WNK2: variants seen among roughly 807,000 people sequenced by gnomAD.
WNK2 encodes serine/threonine-protein kinase WNK2.
In WNK2, 67 loss-of-function variants were observed where a neutral mutation model predicts 192.1. That is an observed-to-expected ratio of 0.35 (90% CI 0.29 to 0.43). The LOEUF is 0.43. WNK2 is among the 20% of genes least tolerant of loss of function. The pLI, the probability that WNK2 is intolerant of heterozygous loss-of-function variation, is 1.00. For synonymous variants in WNK2, 1,439 were observed against 1,393.9 expected, an observed-to-expected ratio of 1.03 and a Z score of -0.72; for missense variants, 2,698 against 3,089.7, an observed-to-expected ratio of 0.87 and a Z score of 3.01.
chr9:93,286,176 T>C (rs1034497645), intron 19 of WNK2, among the ~76,000 whole-genome samples: 2 of 151,416 alleles, frequency 1.3e-5, no homozygotes, highest in African/African-American at 2.5e-5. Flanking sequence ...AATTTGACTG[T>C]ATTAAAATAA....
At chr9:93,231,873 C>T (rs11793893) in intron 4 of WNK2, among the ~76,000 whole-genome samples, 24,101 of 152,228 alleles carry the variant, frequency 0.16, 2,006 homozygotes, top group South Asian at 0.29. Context: ...CAGGTGTGCT[C>T]CTGGCACAGT....
rs537560749 is a variant in WNK2 at position 93,259,212 on chromosome 9, C to T, written c.2664C>T (p.Ala888=). 2.7e-5 allele frequency: 43 copies of T among 1,613,160 alleles called. No individual in the cohort carries two copies. Among genetic ancestry groups the T allele is most frequent in the South Asian group, 1.5e-4 (14 of 91,072 alleles). The stretch of plus-strand genomic sequence containing the variant: ...CACCGGCCACTATCCCCCTGCTGGC[C>T]GTAGCCCCACCGGGCGTGGCTGCCC... The part of the protein sequence containing the change: ...PNAPATIPLL[A]VAPPGVAALS... The change falls in exon 12 of 30, where the codon GCC becomes GCT. Residue 888 remains alanine, a synonymous_variant. Coordinates refer to ENST00000427277, the MANE Select transcript of WNK2 (RefSeq NM_006648.4). This position sits in a 1 kb window ranked among gnomAD's most constrained non-coding sequence, Gnocchi z 4.8.
In WNK2 at chr9:93,262,666, T is replaced by A; in HGVS notation, c.3361-4T>A. 6.2e-7 allele frequency: 1 copy of A among 1,612,724 alleles called. No individual in the cohort carries two copies. Among genetic ancestry groups the A allele is most frequent in the South Asian group, 1.1e-5 (1 of 91,082 alleles). On this transcript the variant is annotated splice_region_variant and splice_polypyrimidine_tract_variant and intron_variant, in intron 13 of 29. Transcript: ENST00000427277. Reference sequence around the variant, plus strand: ...GTTCTCTTTTCTCCGGGTGTTTATTTCAGGAGCAGGCCTCACAGGACAAGC... The same window carrying A: ...GTTCTCTTTTCTCCGGGTGTTTATTACAGGAGCAGGCCTCACAGGACAAGC...
At chr9:93,283,731 C>A (rs1283761593) in intron 19 of WNK2, among the ~76,000 whole-genome samples, 1 of 152,070 alleles carries the variant, frequency 6.6e-6, no homozygotes, top group Admixed American at 6.5e-5. Context: ...TACATCTGGC[C>A]CTGACTCCCA....
At chr9:93,281,101 A>C (rs1203260113) in intron 19 of WNK2, among the ~76,000 whole-genome samples, 1 of 152,204 alleles carries the variant, frequency 6.6e-6, no homozygotes, top group East Asian at 1.9e-4. Context: ...GAACAGACAC[A>C]AGGTTCACAA....
rs989969194 is a variant in WNK2 at position 93,259,723 on chromosome 9, C to T, written c.3066+109C>T. The T allele has an allele frequency of 1.5e-4, 161 of 1,106,928 alleles. No individual in the cohort carries two copies. The highest frequency in any genetic ancestry group is 3.6e-4 in the South Asian group (22 of 60,658). The allele number at this position is 1,106,928 out of a possible 1,614,324, so 68.6% of individuals were successfully genotyped here. A position where few individuals can be genotyped will look rare whatever the true frequency, so the allele number is the denominator to read the frequency against. ...GCAAGGAGGCAGCCCTGCCTGGGGT[C>T]GCCCCTCTCAGGAAGAGATGTGTGT... On this transcript the variant is annotated intron_variant, in intron 12 of 29. Coordinates refer to ENST00000427277, the MANE Select transcript of WNK2 (RefSeq NM_006648.4). This position sits in a 1 kb window ranked among gnomAD's most constrained non-coding sequence, Gnocchi z 4.8.
chr9:93,290,864 C>T (rs537211229), intron 21 of WNK2, among the ~76,000 whole-genome samples: 1 of 152,338 alleles, frequency 6.6e-6, no homozygotes, highest in South Asian at 2.1e-4. Context: ...CTGCATGCCT[C>T]AGTGTCCCTT....
chr9:93,273,401 G>A (rs1208052590), intron 19 of WNK2, among the ~76,000 whole-genome samples: 4 of 152,172 alleles, frequency 2.6e-5, no homozygotes, highest in Admixed American at 2.0e-4. Flanking sequence ...TGATCCACCC[G>A]CCTCGGCCTC....
At chr9:93,218,852 C>T (rs369505377) in intron 2 of WNK2, among the ~76,000 whole-genome samples, 70 of 152,332 alleles carry the variant, frequency 4.6e-4, no homozygotes, top group African/African-American at 1.6e-3. Context: ...CCCAGGGACC[C>T]CTTGCCTGGC....
intron 2 of WNK2, among the ~76,000 whole-genome samples, chr9:93,220,755 G>A (rs909870102): frequency 2.6e-5 from 4 of 152,170 alleles, no homozygotes; most frequent in South Asian, 2.1e-4. Flanking sequence ...TGTGGGTGTG[G>A]TGGGCCCGGG....
chr9:93,267,685 G>T, intron 16 of WNK2, 61 bp from the exon 17 acceptor site: 2 of 1,479,038 alleles, frequency 1.4e-6, no homozygotes, highest in Admixed American at 2.2e-5. Context: ...CAATCCAGAT[G>T]AAGACCTAGG....
Position 93,290,065 on chromosome 9 carries a change from A to T in WNK2, c.4936+18A>T. 1 of 1,555,534 alleles carries T rather than the reference A, an allele frequency of 6.4e-7. No homozygotes were observed. Among genetic ancestry groups the T allele is most frequent in the Non-Finnish European group, 8.7e-7 (1 of 1,149,284 alleles). ...AATGACAGGTAACAGCTTCCTGCTG[A>T]ACCCTGCGTTCACAAGGTGCTGCCT... On this transcript the variant is annotated intron_variant, in intron 21 of 29. Coordinates refer to ENST00000427277, the MANE Select transcript of WNK2 (RefSeq NM_006648.4).
chr9:93,293,112 G>A lies in WNK2; in HGVS notation c.5647G>A (p.Asp1883Asn), dbSNP rs1849637660. Residue 1883 changes from aspartate (D) to asparagine (N), a missense_variant, in exon 23 of 30, where the codon GAC (aspartate) becomes AAC (asparagine). Asp to Asn is a conservative substitution (Grantham distance 23, BLOSUM62 1). Coordinates refer to ENST00000427277, the MANE Select transcript of WNK2 (RefSeq NM_006648.4). ...TTCCCAGTCGTCCTACATCAGCAGC[G>A]ACAATGATTCGGAGCTCGAGGATGC... Reference protein sequence around the residue: ...FHSQSSYISSDNDSELEDADI... With the variant: ...FHSQSSYISSNNDSELEDADI... 5 of 1,592,680 alleles carry A rather than the reference G, an allele frequency of 3.1e-6. No homozygotes were observed. Among genetic ancestry groups the A allele is most frequent in the Non-Finnish European group, 4.3e-6 (5 of 1,171,164 alleles).
intron 19 of WNK2, among the ~76,000 whole-genome samples, chr9:93,285,950 G>C (rs1342023822): frequency 6.6e-6 from 1 of 152,152 alleles, no homozygotes; most frequent in Non-Finnish European, 1.5e-5. Flanking sequence ...CTTCTCAACA[G>C]AAAGAGTTGG....
At chr9:93,277,096 A>T (rs1588386346) in intron 19 of WNK2, among the ~76,000 whole-genome samples, 1 of 152,164 alleles carries the variant, frequency 6.6e-6, no homozygotes, top group Non-Finnish European at 1.5e-5. Context: ...CAAACAGGAT[A>T]TAAGGATGGT....
At position 93,278,157 on chromosome 9, in the gene WNK2, G is replaced by A. The variant is rs1847218262; in HGVS notation, c.4033+9411G>A. Among the ~76,000 whole-genome samples, 3 of 152,178 alleles carry A rather than the reference G, an allele frequency of 2.0e-5. No homozygotes were observed. The South Asian group carries it at 6.2e-4, about 32-fold the overall frequency. Reference sequence around the variant, plus strand: ...GCCTTGAAAAAGTTTCTATTCCAGAGCAGGGAAGGAAGAGCCCAGGCAGAG... The same window carrying A: ...GCCTTGAAAAAGTTTCTATTCCAGAACAGGGAAGGAAGAGCCCAGGCAGAG... On this transcript the variant is annotated intron_variant, in intron 19 of 29. Transcript: ENST00000427277.
intron 2 of WNK2, among the ~76,000 whole-genome samples, chr9:93,203,079 G>A (rs1366480070): frequency 6.6e-6 from 1 of 151,866 alleles, no homozygotes; most frequent in African/African-American, 2.4e-5. Context: ...GCCTTGTGGG[G>A]TGGGGCAGTG....
Position 93,259,422 on chromosome 9 carries a change from G to T in WNK2, c.2874G>T (p.Pro958=), listed in dbSNP as rs373635754. ...TGCCCCCACAACCCGTGCTGCCCCC[G>T]CAACCCACGCTGCCCCCTCAACCTG... ...PTLPPQPVLP[P]QPTLPPQPVL... is the part of the protein sequence containing the mutation. The change falls in exon 12 of 30, where the codon CCG becomes CCT. Residue 958 remains proline (P), a synonymous_variant. Coordinates refer to ENST00000427277, the MANE Select transcript of WNK2 (RefSeq NM_006648.4). The surrounding 1 kb of genome is among the most constrained non-coding windows in gnomAD (Gnocchi z 4.8). 2.5e-5 allele frequency: 35 copies of T among 1,404,352 alleles called. No individual in the cohort carries two copies. Among genetic ancestry groups the T allele is most frequent in the Non-Finnish European group, 3.3e-5 (35 of 1,065,332 alleles). The allele number at this position is 1,404,352 out of a possible 1,614,324, so 87.0% of individuals were successfully genotyped here. A position where few individuals can be genotyped will look rare whatever the true frequency, so the allele number is the denominator to read the frequency against.
At chr9:93,265,016 G>A (rs1409894998) in intron 16 of WNK2, among the ~76,000 whole-genome samples, 1 of 152,198 alleles carries the variant, frequency 6.6e-6, no homozygotes, top group East Asian at 1.9e-4. Flanking sequence ...GAAGCCCCTG[G>A]CTTTCTGCTC....
Sources: allele counts gnomAD v4.1 joint callset (sites outside exome capture counted in the v4.1 genomes callset), GRCh38; gene constraint gnomAD v4.1.1; non-coding constraint Gnocchi (gnomAD v3.1); transcripts MANE v1.5; gene names NCBI Gene and HGNC (gene_info 2026-07-23, HGNC 2026-07-21).